Variants in PALM2AKAP2 observed in about 807,000 individuals in gnomAD.
PALM2AKAP2 encodes the protein PALM2 and AKAP2 fusion.
PALM2AKAP2 carries 37 observed loss-of-function variants against 71.5 expected under a neutral mutation model. The ratio of observed to expected loss-of-function variants is 0.52; its 90% CI spans 0.40 to 0.68. The LOEUF is 0.68. PALM2AKAP2 is among the 30% of genes least tolerant of loss of function. PALM2AKAP2 has a pLI of 0.00. For synonymous variants in PALM2AKAP2, 468 were observed against 478.8 expected (o/e 0.98, Z 0.29); for missense variants, 1,224 against 1,191.8 (o/e 1.03, Z -0.40).
At chr9:109,689,818 C>A (rs950807782) in intron 1 of PALM2AKAP2, among the ~76,000 whole-genome samples, 1 of 152,130 alleles carries the variant, frequency 6.6e-6, no homozygotes, top group Non-Finnish European at 1.5e-5. Flanking sequence ...GTAAACTTCA[C>A]GTTCTCTATG....
At chr9:110,119,340 TCAAA>T (rs1296481014) in intron 1 of PALM2AKAP2, among the ~76,000 whole-genome samples, 3 of 84,798 alleles carry the variant, frequency 3.5e-5, no homozygotes, top group African/African-American at 4.8e-5. Flanking sequence ...AGACTCCATC[TCAAA>T]AAAAAAAAAA....
At chr9:110,002,485 A>G (rs1832699249) in intron 6 of PALM2AKAP2, among the ~76,000 whole-genome samples, 1 of 151,968 alleles carries the variant, frequency 6.6e-6, no homozygotes, top group African/African-American at 2.4e-5. Flanking sequence ...TATTGGTCTA[A>G]AATTCTCTTT....
Position 109,917,441 on chromosome 9 carries a change from G to A in PALM2AKAP2, c.258-6294G>A, listed in dbSNP as rs1466854051. 2.0e-5 allele frequency among the ~76,000 whole-genome samples: 3 copies of A among 151,630 alleles called. No homozygotes were observed. In the East Asian group the frequency reaches 5.8e-4, roughly 29 times the overall value. On this transcript the variant is annotated intron_variant, in intron 3 of 9. Transcript: ENST00000302798. ...AGCACCAGGTCCCTGTACCTGGCAG[G>A]AAGGAAGGAAAGGCAAATGTCACTT...
intron 3 of PALM2AKAP2, among the ~76,000 whole-genome samples, chr9:109,895,343 ATTTT>A (rs1279330359): frequency 6.6e-6 from 1 of 152,212 alleles, no homozygotes; most frequent in African/African-American, 2.4e-5. Context: ...AGGTACTGAC[ATTTT>A]AATATTAGCC....
intron 3 of PALM2AKAP2, among the ~76,000 whole-genome samples, chr9:110,157,090 G>A (rs1397387004): frequency 1.3e-5 from 2 of 152,180 alleles, no homozygotes; most frequent in Non-Finnish European, 2.9e-5. Context: ...TGCACATAAC[G>A]TTCAAATTAA....
chr9:109,750,345 A>G (rs1179607338), intron 1 of PALM2AKAP2, among the ~76,000 whole-genome samples: 2 of 152,204 alleles, frequency 1.3e-5, no homozygotes, highest in Non-Finnish European at 2.9e-5. Context: ...GCATACTGGC[A>G]TGTTTGATTC....
intron 1 of PALM2AKAP2, among the ~76,000 whole-genome samples, chr9:109,774,717 A>T (rs1587903639): frequency 6.6e-6 from 1 of 152,282 alleles, no homozygotes; most frequent in East Asian, 1.9e-4. Flanking sequence ...CATTCACTTA[A>T]GTTGGTCCAT....
intron 1 of PALM2AKAP2, among the ~76,000 whole-genome samples, chr9:110,064,441 T>C (rs1834029638): frequency 1.3e-5 from 2 of 152,134 alleles, no homozygotes; most frequent in Non-Finnish European, 2.9e-5. Context: ...GCTCAGAAAG[T>C]GTTTGAGGGC....
intron 7 of PALM2AKAP2, 23 bp downstream of exon 7, chr9:110,016,062 A>G: frequency 6.2e-7 from 1 of 1,607,768 alleles, no homozygotes; most frequent in Non-Finnish European, 8.5e-7. Context: ...CTTCAGGTTG[A>G]TTCTCAAAGT....
chr9:109,734,817 G>T (rs1375539050), intron 1 of PALM2AKAP2, among the ~76,000 whole-genome samples: 1 of 152,130 alleles, frequency 6.6e-6, no homozygotes, highest in Non-Finnish European at 1.5e-5. Context: ...ATGGCCAAAA[G>T]CATTTGCAGC....
chr9:109,728,843 G>A (rs1002663778), intron 1 of PALM2AKAP2, among the ~76,000 whole-genome samples: 34 of 152,098 alleles, frequency 2.2e-4, no homozygotes, highest in African/African-American at 8.0e-4. Context: ...CCTCATTCAG[G>A]AACCTAAGCC....
At chr9:109,761,873 C>T (rs1298918804) in intron 1 of PALM2AKAP2, among the ~76,000 whole-genome samples, 1 of 152,052 alleles carries the variant, frequency 6.6e-6, no homozygotes, top group Non-Finnish European at 1.5e-5. Flanking sequence ...ATTTATAATC[C>T]TTTGGGTATA....
intron 6 of PALM2AKAP2, among the ~76,000 whole-genome samples, chr9:109,955,510 G>A (rs979871338): frequency 2.0e-5 from 3 of 152,134 alleles, no homozygotes; most frequent in Non-Finnish European, 4.4e-5. Flanking sequence ...TTCCTTCTTA[G>A]CAAAAATAAC....
intron 6 of PALM2AKAP2, among the ~76,000 whole-genome samples, chr9:110,002,404 G>A (rs2132282146): frequency 6.6e-6 from 1 of 151,638 alleles, no homozygotes; most frequent in Non-Finnish European, 1.5e-5. Context: ...TATGCTGCTA[G>A]ATTCACATCA....
At chr9:110,051,095 A>G (rs260218) in intron 1 of PALM2AKAP2, among the ~76,000 whole-genome samples, 25,570 of 152,126 alleles carry the variant, frequency 0.17, 2,351 homozygotes, top group Admixed American at 0.2. Flanking sequence ...AGTTCATTTC[A>G]CTTTCTTTCT....
chr9:109,938,398 G>A (rs1831281180), intron 6 of PALM2AKAP2, among the ~76,000 whole-genome samples: 1 of 152,248 alleles, frequency 6.6e-6, no homozygotes, highest in Admixed American at 6.5e-5. Context: ...AGAAAGGAAT[G>A]TAGAATCACA....
intron 1 of PALM2AKAP2, among the ~76,000 whole-genome samples, chr9:109,667,146 T>C (rs1311581347): frequency 6.6e-6 from 1 of 152,064 alleles, no homozygotes; most frequent in African/African-American, 2.4e-5. Flanking sequence ...TGAAGATTCA[T>C]AGGCCCTCCT....
intron 6 of PALM2AKAP2, among the ~76,000 whole-genome samples, chr9:109,968,090 G>A (rs561467090): frequency 2.0e-5 from 3 of 152,332 alleles, no homozygotes; most frequent in African/African-American, 7.2e-5. Flanking sequence ...TGAATGAATG[G>A]TAAAGGATTT....
In PALM2AKAP2 at chr9:109,674,044, T is replaced by C. The variant is rs377239562; in HGVS notation, c.5+33178T>C. ...ACAGAATACCAATGGGTCTTTCATT[T>C]TGATAATTTCTTTTGACCTGTGTTT... On this transcript the variant is annotated intron_variant, in intron 1 of 6. Transcript: ENST00000374531. 1.1e-4 allele frequency among the ~76,000 whole-genome samples: 16 copies of C among 152,166 alleles called. No individual in the cohort carries two copies. The East Asian group carries it at 2.7e-3, about 26-fold the overall frequency.
Sources: gnomAD v4.1 joint callset for allele counts (sites outside exome capture counted in the v4.1 genomes callset) on GRCh38, gnomAD v4.1.1 for gene constraint, MANE v1.5 for transcripts, NCBI Gene and HGNC (gene_info 2026-07-23, HGNC 2026-07-21) for gene names.